The following TRIM37 variants were observed in gnomAD, a reference collection of about 807,000 sequenced individuals.
The protein encoded by TRIM37 is tripartite motif containing 37.
Under a neutral mutation model 129.8 loss-of-function variants are expected in TRIM37, and 80 were observed. That is an observed-to-expected ratio of 0.62 (90% CI 0.51 to 0.74). TRIM37 has a LOEUF of 0.74. TRIM37 is among the 30% of genes least tolerant of loss of function. TRIM37 has a pLI of 0.00. For missense variants in TRIM37, 1,054 were observed against 1,176.5 expected, an observed-to-expected ratio of 0.90 and a Z score of 1.52; for synonymous variants, 389 against 387.1, an observed-to-expected ratio of 1.00 and a Z score of -0.06.
intron 22 of TRIM37, among the ~76,000 whole-genome samples, chr17:59,009,761 C>T (rs1377044793): frequency 2.0e-5 from 3 of 152,038 alleles, no homozygotes; most frequent in Non-Finnish European, 2.9e-5. Flanking sequence ...CTTCCAATTT[C>T]TAACCCTGTG....
intron 8 of TRIM37, among the ~76,000 whole-genome samples, 169 bp from the exon 9 acceptor site, chr17:59,071,116 T>A (rs1277112390): frequency 6.6e-6 from 1 of 152,188 alleles, no homozygotes; most frequent in Non-Finnish European, 1.5e-5. Flanking sequence ...TTTATTTCTA[T>A]AATATTCTAA....
intron 21 of TRIM37, among the ~76,000 whole-genome samples, 187 bp downstream of exon 21, chr17:59,015,423 G>C (rs927683096): frequency 6.6e-6 from 1 of 152,062 alleles, no homozygotes; most frequent in Non-Finnish European, 1.5e-5. Context: ...CTGGGTGACA[G>C]AGCGAGGCTC....
At chr17:58,971,094 T>C in the TRIM37 span, among the ~76,000 whole-genome samples, 1 of 152,114 alleles carries the variant, frequency 6.6e-6, no homozygotes, top group Non-Finnish European at 1.5e-5. Context: ...TTTCTCCTTC[T>C]TATGCTTCCA....
intron 14 of TRIM37, among the ~76,000 whole-genome samples, chr17:59,050,652 A>G (rs2040247612): frequency 6.6e-6 from 1 of 151,812 alleles, no homozygotes; most frequent in Non-Finnish European, 1.5e-5. Context: ...TGGCAACAAG[A>G]GTGAGTCCGA....
chr17:59,012,837 T>C lies in TRIM37; in HGVS notation c.2577-391A>G, dbSNP rs62084372. Among the ~76,000 whole-genome samples the C allele has an allele frequency of 9.9e-3, 1,495 of 151,720 alleles. 8 individuals are homozygous for C. Among genetic ancestry groups the C allele is most frequent in the Middle Eastern group, 0.034 (10 of 294 alleles). ...GTTGCAGTGAGCCGAGGTTGCACCA[T>C]TGCACTCCAGCCTGGGCAACAGAGT... is the stretch of plus-strand genomic sequence containing the variant. On this transcript the variant is annotated intron_variant, in intron 21 of 23. Coordinates refer to ENST00000262294, the MANE Select transcript of TRIM37 (RefSeq NM_015294.6).
intron 19 of TRIM37, among the ~76,000 whole-genome samples, chr17:59,018,741 A>G (rs2036240003): frequency 6.6e-6 from 1 of 151,674 alleles, no homozygotes; most frequent in South Asian, 2.1e-4. Context: ...TTTTTGCAGA[A>G]ATTGACAAGC....
chr17:58,999,574 A>C, intron 23 of TRIM37, 115 bp from the exon 24 acceptor site: 1 of 883,178 alleles, frequency 1.1e-6, no homozygotes, highest in Non-Finnish European at 1.7e-6. Context: ...AGTGATAAAG[A>C]TGTGCTGGGT....
chr17:59,074,772 C>G (rs1185780341), intron 8 of TRIM37, among the ~76,000 whole-genome samples: 2 of 152,150 alleles, frequency 1.3e-5, no homozygotes, highest in Non-Finnish European at 2.9e-5. Context: ...AAATTCCAGA[C>G]AAGTGAATGT....
At chr17:58,988,345 GTAAAGGAACT>G in intron 24 of TRIM37, among the ~76,000 whole-genome samples, 1 of 152,258 alleles carries the variant, frequency 6.6e-6, no homozygotes, top group East Asian at 1.9e-4. Context: ...TTGGGCATGG[GTAAAGGAACT>G]TACCATACCC....
At chr17:59,074,606 TAAAAC>T (rs773178096) in intron 8 of TRIM37, among the ~76,000 whole-genome samples, 34 of 152,140 alleles carry the variant, frequency 2.2e-4, no homozygotes, top group Non-Finnish European at 4.1e-4. Flanking sequence ...AGTGTGATGT[TAAAAC>T]AAAACAAGTA....
chr17:58,975,336 A>C, the TRIM37 span, among the ~76,000 whole-genome samples: 1 of 152,234 alleles, frequency 6.6e-6, no homozygotes, highest in Admixed American at 6.5e-5. Flanking sequence ...AGCAGGGAAG[A>C]ATGTCCCTTA....
chr17:59,098,639 T>A (rs2045143522), intron 2 of TRIM37, among the ~76,000 whole-genome samples: 1 of 134,732 alleles, frequency 7.4e-6, no homozygotes, highest in South Asian at 2.3e-4. Context: ...TGCTCCAACG[T>A]GGGCAACAGA....
At chr17:59,015,508 TAAC>T in intron 21 of TRIM37, 99 bp downstream of exon 21, 2 of 1,225,002 alleles carry the variant, frequency 1.6e-6, no homozygotes, top group Non-Finnish European at 2.4e-6. Context: ...ACTAAAAAAT[TAAC>T]AAGGTAGAAA....
intron 12 of TRIM37, among the ~76,000 whole-genome samples, chr17:59,057,584 C>T (rs1168865195): frequency 6.6e-6 from 1 of 151,986 alleles, no homozygotes; most frequent in Non-Finnish European, 1.5e-5. Context: ...AGGGCAGTGG[C>T]GGGGTCTCAG....
chr17:59,080,737 G>A (rs1385244066), intron 6 of TRIM37, among the ~76,000 whole-genome samples: 3 of 152,118 alleles, frequency 2.0e-5, no homozygotes, highest in African/African-American at 7.2e-5. Flanking sequence ...GTTGTAGTGA[G>A]CTGAGATCGC....
intron 12 of TRIM37, 120 bp downstream of exon 12, chr17:59,060,912 T>C (rs2041430994): frequency 1.4e-6 from 1 of 721,254 alleles, no homozygotes; most frequent in African/African-American, 1.8e-5. Context: ...AAGAACATAT[T>C]ATTCTACATC....
intron 24 of TRIM37, among the ~76,000 whole-genome samples, chr17:58,993,073 C>T (rs938998903): frequency 1.3e-5 from 2 of 152,136 alleles, no homozygotes; most frequent in African/African-American, 4.8e-5. Flanking sequence ...GCAAGACTTT[C>T]CTGTGCTGTT....
intron 13 of TRIM37, among the ~76,000 whole-genome samples, chr17:59,055,229 G>A (rs569714143): frequency 2.7e-5 from 4 of 150,706 alleles, no homozygotes; most frequent in Admixed American, 6.6e-5. Context: ...CCATCTACTC[G>A]GGAGGCTGAG....
intron 18 of TRIM37, among the ~76,000 whole-genome samples, chr17:59,031,690 C>A (rs1419941878): frequency 6.6e-6 from 1 of 152,192 alleles, no homozygotes; most frequent in Non-Finnish European, 1.5e-5. Context: ...TTCTTGCAGG[C>A]ATTTTTACTT....
Sources: gnomAD v4.1 joint callset for allele counts (sites outside exome capture counted in the v4.1 genomes callset) on GRCh38, gnomAD v4.1.1 for gene constraint, MANE v1.5 for transcripts, NCBI Gene and HGNC (gene_info 2026-07-23, HGNC 2026-07-21) for gene names.